SLC24A2: variants seen among roughly 807,000 people sequenced by gnomAD.
The protein encoded by SLC24A2 is sodium/potassium/calcium exchanger 2.
A neutral mutation model predicts 62.0 loss-of-function variants in SLC24A2; 36 were observed. That is an observed-to-expected ratio of 0.58 (90% CI 0.44 to 0.77). The LOEUF is 0.77. Ranked by LOEUF, SLC24A2 falls within the 30% of genes least tolerant of loss-of-function variation. The pLI is 0.00. For synonymous variants in SLC24A2, 358 were observed against 294.0 expected (o/e 1.22, Z -2.23); for missense variants, 846 against 817.9 (o/e 1.03, Z -0.42).
the SLC24A2 span, among the ~76,000 whole-genome samples, chr9:19,976,748 A>C: frequency 3.2e-4 from 48 of 152,312 alleles, no homozygotes; most frequent in Non-Finnish European, 6.3e-4. Flanking sequence ...TGGTATCTGC[A>C]GGGGTCCTGG....
chr9:19,640,723 T>C (rs1322642462), intron 2 of SLC24A2, among the ~76,000 whole-genome samples: 1 of 152,378 alleles, frequency 6.6e-6, no homozygotes, highest in East Asian at 1.9e-4. Context: ...CATCTTACCC[T>C]AATCCTGGCC....
the SLC24A2 span, among the ~76,000 whole-genome samples, chr9:20,202,050 G>GGT: frequency 0.21 from 29,900 of 141,522 alleles, 3,112 homozygotes; most frequent in East Asian, 0.28. Flanking sequence ...CCCATTTCAT[G>GGT]GTGTGTGTGT....
rs1832789227 is a variant in SLC24A2, at chr9:19,513,172, ATATGTATATATATATATATG to A, written c.*2961_*2980del. ...TATAAAGATATATATATATATATAT[ATATGTATATATATATATATG>A]TATATATTTATATATGTATATACAC... On this transcript the variant is annotated 3_prime_UTR_variant, in exon 11 of 11. Coordinates refer to ENST00000341998, the MANE Select transcript of SLC24A2 (RefSeq NM_020344.4). 6.6e-5 allele frequency: 4 copies of A among 60,158 alleles called. 1 individual carries two copies. Among genetic ancestry groups the A allele is most frequent in the South Asian group, 1.1e-3 (2 of 1,864 alleles). 3.7% of individuals were successfully genotyped at this position (60,158 alleles called of 1,614,324 possible).
the SLC24A2 span, among the ~76,000 whole-genome samples, chr9:20,219,759 T>A: frequency 1.3e-5 from 2 of 152,206 alleles, no homozygotes; most frequent in African/African-American, 2.4e-5. Flanking sequence ...AGTCCAAGAC[T>A]GAAAATTTAC....
chr9:19,610,722 C>A (rs1000976839), intron 4 of SLC24A2, among the ~76,000 whole-genome samples: 14 of 152,236 alleles, frequency 9.2e-5, no homozygotes, highest in Admixed American at 7.2e-4. Context: ...CTCTTCATAG[C>A]TGCAAGAGAA....
the SLC24A2 span, among the ~76,000 whole-genome samples, chr9:20,116,402 C>G: frequency 6.6e-6 from 1 of 152,114 alleles, no homozygotes; most frequent in Admixed American, 6.6e-5. Flanking sequence ...TCTGGGCATT[C>G]TGATAGAGGG....
the SLC24A2 span, among the ~76,000 whole-genome samples, chr9:20,115,831 T>C: frequency 6.6e-6 from 1 of 152,164 alleles, no homozygotes; most frequent in African/African-American, 2.4e-5. Flanking sequence ...CATTCCAAAA[T>C]TGGCTATTAG....
At chr9:19,526,309 A>G (rs1833445405) in intron 9 of SLC24A2, among the ~76,000 whole-genome samples, 1 of 152,180 alleles carries the variant, frequency 6.6e-6, no homozygotes. Flanking sequence ...GCTACTTTGA[A>G]CATTTGTTTA....
chr9:19,842,760 T>C, the SLC24A2 span, among the ~76,000 whole-genome samples: 1 of 152,238 alleles, frequency 6.6e-6, no homozygotes, highest in Non-Finnish European at 1.5e-5. Flanking sequence ...TGCTTTTATC[T>C]ATTCTACACA....
the SLC24A2 span, among the ~76,000 whole-genome samples, chr9:20,075,348 T>C: frequency 6.6e-6 from 1 of 152,316 alleles, no homozygotes; most frequent in South Asian, 2.1e-4. Context: ...AGGCTTAGAA[T>C]AACTGGATAA....
chr9:19,560,476 C>G (rs1261096742), intron 7 of SLC24A2, among the ~76,000 whole-genome samples: 2 of 152,194 alleles, frequency 1.3e-5, no homozygotes, highest in Non-Finnish European at 2.9e-5. Context: ...CTCTATGTCC[C>G]CCTCTTTCCC....
At chr9:20,045,320 T>C in the SLC24A2 span, among the ~76,000 whole-genome samples, 15 of 152,096 alleles carry the variant, frequency 9.9e-5, no homozygotes, top group Admixed American at 9.8e-4. Context: ...GCAGCTGATC[T>C]ACTAGGTGGG....
intron 2 of SLC24A2, among the ~76,000 whole-genome samples, chr9:19,721,073 A>G (rs2118652592): frequency 6.6e-6 from 1 of 152,274 alleles, no homozygotes; most frequent in Middle Eastern, 3.4e-3. Flanking sequence ...CTCTATGGTA[A>G]CAATTACCTT....
the SLC24A2 span, among the ~76,000 whole-genome samples, chr9:20,280,070 G>C: frequency 6.6e-6 from 1 of 152,230 alleles, no homozygotes; most frequent in Non-Finnish European, 1.5e-5. Flanking sequence ...CTATGGCAGA[G>C]GCATTGTCTT....
At chr9:19,795,985 G>A in the SLC24A2 span, among the ~76,000 whole-genome samples, 3 of 151,784 alleles carry the variant, frequency 2.0e-5, no homozygotes, top group African/African-American at 7.3e-5. Flanking sequence ...CATGGATGAA[G>A]CTGGAAACCA....
chr9:19,909,565 G>A, the SLC24A2 span, among the ~76,000 whole-genome samples: 1 of 152,022 alleles, frequency 6.6e-6, no homozygotes, highest in African/African-American at 2.4e-5. Flanking sequence ...TATAAATTAT[G>A]GAGAAATGAC....
At chr9:20,074,628 A>T in the SLC24A2 span, among the ~76,000 whole-genome samples, 1 of 14,896 alleles carries the variant, frequency 6.7e-5, no homozygotes, top group Non-Finnish European at 1.2e-4. Flanking sequence ...GGAGGGAGGG[A>T]GGGAGGGACG....
the SLC24A2 span, among the ~76,000 whole-genome samples, chr9:19,800,977 C>T: frequency 6.6e-6 from 1 of 152,210 alleles, no homozygotes; most frequent in African/African-American, 2.4e-5. Context: ...TATATGTAAT[C>T]CACAGGGAGG....
chr9:19,756,903 CTTTTTTTTTT>C (rs780450451), intron 2 of SLC24A2, among the ~76,000 whole-genome samples: 20 of 78,522 alleles, frequency 2.5e-4, no homozygotes, highest in African/African-American at 8.3e-4. Context: ...TTTACTGAAG[CTTTTTTTTTT>C]TTTTTTTTTT....
Sources: allele counts gnomAD v4.1 joint callset (sites outside exome capture counted in the v4.1 genomes callset), GRCh38; gene constraint gnomAD v4.1.1; transcripts MANE v1.5; gene names NCBI Gene and HGNC (gene_info 2026-07-23, HGNC 2026-07-21).